GALK2: variants seen among roughly 807,000 people sequenced by gnomAD.
GALK2 encodes the protein N-acetylgalactosamine kinase.
In GALK2, 36 loss-of-function variants were observed where a neutral mutation model predicts 52.4. The ratio of observed to expected loss-of-function variants is 0.69; its 90% CI spans 0.53 to 0.91. The LOEUF (loss-of-function observed/expected upper bound fraction) is 0.91, where lower values mean the gene tolerates loss of function less well. GALK2 is among the 40% of genes least tolerant of loss of function. The pLI is 0.00. For missense variants in GALK2, 579 were observed against 559.1 expected (o/e 1.04, Z -0.36); for synonymous variants, 176 against 199.1 (o/e 0.88, Z 0.98).
chr15:49,345,563 T>C (rs894346544), intron 3 of GALK2, among the ~76,000 whole-genome samples: 3 of 152,250 alleles, frequency 2.0e-5, no homozygotes, highest in African/African-American at 7.2e-5. Flanking sequence ...AATGGTTATA[T>C]TCTACTCCTT....
intron 3 of GALK2, among the ~76,000 whole-genome samples, chr15:49,355,686 A>G (rs1742990091): frequency 6.6e-6 from 1 of 151,542 alleles, no homozygotes; most frequent in Non-Finnish European, 1.5e-5. Flanking sequence ...ATCCAGGAGA[A>G]CTTCCCCAAT....
intron 3 of GALK2, among the ~76,000 whole-genome samples, chr15:49,346,218 AC>A: frequency 6.6e-6 from 1 of 152,174 alleles, no homozygotes; most frequent in Admixed American, 6.5e-5. Flanking sequence ...ACTGGTTGAG[AC>A]CACCAGCCCT....
At chr15:49,303,804 C>G (rs2035318616) in intron 8 of GALK2, among the ~76,000 whole-genome samples, 1 of 152,162 alleles carries the variant, frequency 6.6e-6, no homozygotes, top group South Asian at 2.1e-4. Flanking sequence ...TTGGCTCTAG[C>G]CTTGCTGGTC....
At chr15:49,290,685 C>T (rs894110927) in intron 7 of GALK2, among the ~76,000 whole-genome samples, 1 of 152,152 alleles carries the variant, frequency 6.6e-6, no homozygotes, top group Non-Finnish European at 1.5e-5. Flanking sequence ...GGGGGCAGTT[C>T]TGTGATGTTT....
At chr15:49,170,643 T>G (rs1350802582) in intron 1 of GALK2, 5 of 445,352 alleles carry the variant, frequency 1.1e-5, no homozygotes, top group Non-Finnish European at 1.6e-5. Flanking sequence ...ATTAGTGTAC[T>G]CTTTCTACTG....
chr15:49,305,500 T>C (rs1035052639), intron 8 of GALK2, among the ~76,000 whole-genome samples: 1 of 152,288 alleles, frequency 6.6e-6, no homozygotes, highest in Admixed American at 6.5e-5. Flanking sequence ...TCTCTAATAT[T>C]GGGAAACCCT....
chr15:49,337,344 T>C (rs966356861), intron 3 of GALK2, among the ~76,000 whole-genome samples: 1 of 152,090 alleles, frequency 6.6e-6, no homozygotes, highest in South Asian at 2.1e-4. Context: ...TGCAGCCCCA[T>C]CAGCATCTAT....
intron 3 of GALK2, among the ~76,000 whole-genome samples, chr15:49,351,046 G>A (rs949918082): frequency 2.0e-5 from 3 of 152,210 alleles, no homozygotes; most frequent in East Asian, 3.9e-4. Context: ...TCAACCATAC[G>A]CTGTGGTTTG....
At chr15:49,334,184 T>C (rs2151167654), downstream of GALK2, 1 of 869,856 alleles carries the variant, frequency 1.1e-6, no homozygotes, top group South Asian at 5.3e-5. Flanking sequence ...TTAAAGATGA[T>C]CTTAAGCACT....
intron 3 of GALK2, among the ~76,000 whole-genome samples, chr15:49,339,367 T>C (rs2040314142): frequency 1.3e-5 from 2 of 152,214 alleles, no homozygotes; most frequent in African/African-American, 4.8e-5. Flanking sequence ...TGTTTGTTAG[T>C]TTTCCTTCTA....
chr15:49,316,670 C>T (rs12594252), intron 8 of GALK2, among the ~76,000 whole-genome samples: 144,493 of 152,246 alleles, frequency 0.95, 68,662 homozygotes, highest in African/African-American at 0.99. Flanking sequence ...AAATTATTGG[C>T]TCATTAGTAG....
chr15:49,363,547 T>A (rs968667427), intron 3 of GALK2, among the ~76,000 whole-genome samples: 16 of 152,188 alleles, frequency 1.1e-4, no homozygotes, highest in Admixed American at 1.0e-3. Context: ...TTTTGCTACA[T>A]ATAGGATCAT....
chr15:49,313,153 C>T (rs1418337251), intron 8 of GALK2, among the ~76,000 whole-genome samples: 1 of 152,210 alleles, frequency 6.6e-6, no homozygotes, highest in Non-Finnish European at 1.5e-5. Context: ...CTCCAGCCAA[C>T]AGTTGCTAGA....
chr15:49,244,425 G>C (rs979631869), intron 5 of GALK2, among the ~76,000 whole-genome samples: 1 of 152,034 alleles, frequency 6.6e-6, no homozygotes, highest in Non-Finnish European at 1.5e-5. Context: ...CAAGAGAAAA[G>C]AACGGAAAGA....
chr15:49,251,032 CAAAG>C (rs1180509302), intron 5 of GALK2, among the ~76,000 whole-genome samples: 1 of 152,052 alleles, frequency 6.6e-6, no homozygotes, highest in East Asian at 1.9e-4. Context: ...AATACGAAAA[CAAAG>C]AACACTTCCC....
intron 8 of GALK2, among the ~76,000 whole-genome samples, chr15:49,308,105 G>C (rs564494494): frequency 6.6e-6 from 1 of 152,160 alleles, no homozygotes; most frequent in Admixed American, 6.5e-5. Flanking sequence ...TTATTCAAGT[G>C]TTTTTCAATT....
At position 49,356,055 on chromosome 15, in the gene GALK2, C is replaced by T. The variant is rs560137234; in HGVS notation, c.427-11436C>T. ...AAGCAAATGCTGAGAGATTTTCTCA[C>T]CAACAGGCCTGCCTTACAAGAGCTC... is the stretch of plus-strand genomic sequence containing the variant. On this transcript the variant is annotated intron_variant, in intron 3 of 3. Transcript: ENST00000558399. Among the ~76,000 whole-genome samples, 137 of 150,138 alleles carry T rather than the reference C, an allele frequency of 9.1e-4. 5 individuals are homozygous for T. The South Asian group carries it at 0.028, about 31-fold the overall frequency.
chr15:49,237,834 ATATAT>A (rs2090906849), intron 4 of GALK2, among the ~76,000 whole-genome samples: 1 of 152,062 alleles, frequency 6.6e-6, no homozygotes, highest in Non-Finnish European at 1.5e-5. Context: ...TTTATATTAA[ATATAT>A]TGTATTCTTC....
intron 1 of GALK2, among the ~76,000 whole-genome samples, chr15:49,187,459 C>G (rs2086439184): frequency 6.6e-6 from 1 of 152,284 alleles, no homozygotes; most frequent in Admixed American, 6.5e-5. Context: ...GATGCTCCCT[C>G]AAGGCCCAAG....
Sources: gnomAD v4.1 joint callset for allele counts (sites outside exome capture counted in the v4.1 genomes callset) on GRCh38, gnomAD v4.1.1 for gene constraint, MANE v1.5 for transcripts, NCBI Gene and HGNC (gene_info 2026-07-23, HGNC 2026-07-21) for gene names.